Variants in CAMSAP2 observed in about 807,000 individuals in gnomAD.
CAMSAP2 encodes the protein calmodulin regulated spectrin associated protein family member 2.
Under a neutral mutation model 146.1 loss-of-function variants are expected in CAMSAP2, and 26 were observed. The ratio of observed to expected loss-of-function variants is 0.18; its 90% confidence interval spans 0.13 to 0.25. The LOEUF is 0.25. Among genes scored for constraint, CAMSAP2 ranks in the 10% least tolerant of loss-of-function variants. CAMSAP2 has a pLI of 1.00. For synonymous variants in CAMSAP2, 499 were observed against 596.6 expected, an observed-to-expected ratio of 0.84 and a Z score of 2.38; for missense variants, 1,381 against 1,759.3, an observed-to-expected ratio of 0.78 and a Z score of 3.85.
intron 2 of CAMSAP2, among the ~76,000 whole-genome samples, chr1:200,773,279 A>C (rs1035649707): frequency 6.6e-6 from 1 of 152,100 alleles, no homozygotes; most frequent in African/African-American, 2.4e-5. Flanking sequence ...ATTTTGAGAC[A>C]GTCTCCCTCT....
chr1:200,855,076 G>A (rs1667715399), intron 14 of CAMSAP2, among the ~76,000 whole-genome samples, 187 bp downstream of exon 14: 1 of 150,276 alleles, frequency 6.7e-6, no homozygotes, highest in Non-Finnish European at 1.5e-5. Flanking sequence ...GTAAAGAGGT[G>A]TCTATTCATC....
chr1:200,835,867 G>A (rs528983002), intron 6 of CAMSAP2, among the ~76,000 whole-genome samples: 3 of 152,130 alleles, frequency 2.0e-5, no homozygotes, highest in Non-Finnish European at 4.4e-5. Flanking sequence ...AATACATGGA[G>A]ATATAAGATT....
Position 200,781,368 on chromosome 1 carries a change from A to G in CAMSAP2, c.399+20270A>G, listed in dbSNP as rs183984751. Among the ~76,000 whole-genome samples the G allele has an allele frequency of 2.0e-3, 310 of 152,326 alleles. 3 individuals are homozygous for G. The highest frequency in any genetic ancestry group is 1.2e-3 in the Non-Finnish European group (82 of 68,028). Reference sequence around the variant, plus strand: ...CAGCAATTATGTTGAGTGGTGGTGGACAGGCCTGAGCTGCCTTATATAAAT... The same window carrying G: ...CAGCAATTATGTTGAGTGGTGGTGGGCAGGCCTGAGCTGCCTTATATAAAT... On this transcript the variant is annotated intron_variant, in intron 2 of 16. Transcript: ENST00000358823.
intron 2 of CAMSAP2, among the ~76,000 whole-genome samples, chr1:200,768,804 C>G (rs1308516326): frequency 2.6e-5 from 4 of 152,080 alleles, no homozygotes; most frequent in Admixed American, 2.6e-4. Flanking sequence ...CAGGCGTGTG[C>G]CACCACGCCT....
At chr1:200,768,972 A>C (rs1207630755) in intron 2 of CAMSAP2, among the ~76,000 whole-genome samples, 1 of 152,166 alleles carries the variant, frequency 6.6e-6, no homozygotes, top group Non-Finnish European at 1.5e-5. Context: ...TCGTTAAGGT[A>C]GGATTGAGAT....
rs1215547892 is a variant in CAMSAP2 at position 200,850,066 on chromosome 1, A to G, written c.3297A>G (p.Lys1099=). 1 of 1,613,040 alleles carries G rather than the reference A, an allele frequency of 6.2e-7. No homozygotes were observed. Among genetic ancestry groups the G allele is most frequent in the Non-Finnish European group, 8.5e-7 (1 of 1,179,660 alleles). Residue 1099 remains lysine, a synonymous_variant, in exon 11 of 17, where the codon AAA becomes AAG. Transcript: ENST00000358823. ...ATCAACCCACAGAACCCCCTCCTAA[A>G]CCCGTTTTCCCACCCACTGCTCCAA... The part of the protein sequence containing the change: ...QLNQPTEPPP[K]PVFPPTAPKN...
At position 200,832,383 on chromosome 1, in the gene CAMSAP2, G is replaced by A. The variant is rs1667066767; in HGVS notation, c.787+42G>A. ...AATACTTCTGAACTGTAGACAGATAGTAACCAATATTTAAGACAGTATTAT... is the reference window on the plus strand; with the variant it reads ...AATACTTCTGAACTGTAGACAGATAATAACCAATATTTAAGACAGTATTAT... On this transcript the variant is annotated intron_variant, in intron 5 of 16. Transcript: ENST00000358823. This position sits in a 1 kb window ranked among gnomAD's most constrained non-coding sequence, Gnocchi z 4.2. 6.4e-7 allele frequency: 1 copy of A among 1,555,954 alleles called. No individual in the cohort carries two copies. The highest frequency in any genetic ancestry group is 1.2e-5 in the South Asian group (1 of 80,850).
intron 2 of CAMSAP2, among the ~76,000 whole-genome samples, chr1:200,764,553 T>C (rs938259830): frequency 6.6e-6 from 1 of 152,200 alleles, no homozygotes; most frequent in African/African-American, 2.4e-5. Flanking sequence ...AAATTTAAAA[T>C]GTAGAGAAGA....
chr1:200,843,836 TTTG>T (rs1667387636), intron 7 of CAMSAP2, among the ~76,000 whole-genome samples: 1 of 148,362 alleles, frequency 6.7e-6, no homozygotes, highest in Admixed American at 6.7e-5. Flanking sequence ...CAAACTTATT[TTTG>T]TTTTTTTTTT....
chr1:200,816,193 C>T (rs560458868), intron 4 of CAMSAP2, among the ~76,000 whole-genome samples: 7 of 152,136 alleles, frequency 4.6e-5, no homozygotes, highest in Non-Finnish European at 1.5e-5. Context: ...ACTCAGGAGG[C>T]AGGAGAATCG....
intron 6 of CAMSAP2, among the ~76,000 whole-genome samples, chr1:200,838,118 A>G (rs12758336): frequency 0.087 from 13,221 of 152,204 alleles, 688 homozygotes; most frequent in South Asian, 0.21. Context: ...CATAATCTTC[A>G]TAAGTTTTAA....
intron 7 of CAMSAP2, among the ~76,000 whole-genome samples, chr1:200,842,814 A>G (rs926365753): frequency 6.6e-6 from 1 of 151,988 alleles, no homozygotes; most frequent in Non-Finnish European, 1.5e-5. Flanking sequence ...TGTCTCTACT[A>G]AAAATACAAA....
intron 3 of CAMSAP2, among the ~76,000 whole-genome samples, chr1:200,815,068 A>G (rs1666445459): frequency 6.6e-6 from 1 of 152,086 alleles, no homozygotes; most frequent in Non-Finnish European, 1.5e-5. Context: ...GAAATTTTGC[A>G]TGTGTTTTAA....
At position 200,760,967 on chromosome 1, in the gene CAMSAP2, A is replaced by G. The variant is rs760115150; in HGVS notation, c.268A>G (p.Lys90Glu). The change falls in exon 2 of 17, where the codon AAG becomes GAG. Residue 90 changes from lysine to glutamate, a missense_variant. This residue lies in a region of CAMSAP2 where 284 missense variants were observed against 406.9 expected (regional missense o/e 0.70). Coordinates refer to ENST00000358823, the MANE Select transcript of CAMSAP2 (RefSeq NM_203459.4). Reference protein sequence around the residue: ...LYCRAGSLILKSDAAKPLLGH... With the variant: ...LYCRAGSLILESDAAKPLLGH... ...CTGTCGTGCTGGGAGTCTCATTCTC[A>G]AGAGTGATGCTGCAAAACCCCTTTT... The G allele has an allele frequency of 1.9e-6, 3 of 1,613,990 alleles. No homozygotes were observed. The highest frequency in any genetic ancestry group is 2.2e-5 in the East Asian group (1 of 44,892).
chr1:200,794,293 T>C (rs1665826559), intron 2 of CAMSAP2, among the ~76,000 whole-genome samples: 1 of 152,180 alleles, frequency 6.6e-6, no homozygotes, highest in African/African-American at 2.4e-5. Context: ...ATACACAGTT[T>C]TTTCAGTAAG....
intron 1 of CAMSAP2, among the ~76,000 whole-genome samples, chr1:200,747,495 G>A (rs1664368347): frequency 6.6e-6 from 1 of 151,558 alleles, no homozygotes; most frequent in African/African-American, 2.4e-5. Context: ...AAGTAAATGG[G>A]AGATTGTATC....
chr1:200,756,547 C>G (rs1664660683), intron 1 of CAMSAP2, among the ~76,000 whole-genome samples: 1 of 152,018 alleles, frequency 6.6e-6, no homozygotes, highest in Admixed American at 6.6e-5. Flanking sequence ...TTTCTCAAAG[C>G]CCAAATTTTT....
At chr1:200,755,754 G>A (rs1479302684) in intron 1 of CAMSAP2, among the ~76,000 whole-genome samples, 1 of 152,222 alleles carries the variant, frequency 6.6e-6, no homozygotes, top group Non-Finnish European at 1.5e-5. Flanking sequence ...ACACAGGACA[G>A]ATAAGTATCT....
At chr1:200,842,986 GAAAA>G (rs1330006659) in intron 7 of CAMSAP2, among the ~76,000 whole-genome samples, 1 of 108,028 alleles carries the variant, frequency 9.3e-6, no homozygotes, top group Non-Finnish European at 2.0e-5. Context: ...AAAAAAAAAA[GAAAA>G]AAAAAAAAAA....
Sources: gnomAD v4.1 joint callset for allele counts (sites outside exome capture counted in the v4.1 genomes callset) on GRCh38, gnomAD v4.1.1 for gene constraint, gnomAD v4.1.1 regional missense constraint, Gnocchi (gnomAD v3.1) non-coding constraint, MANE v1.5 for transcripts, NCBI Gene and HGNC (gene_info 2026-07-23, HGNC 2026-07-21) for gene names.